The following PDE10A variants were observed in gnomAD, a reference collection of about 807,000 sequenced individuals.
PDE10A encodes the protein phosphodiesterase 10A, also known as cAMP and cAMP-inhibited cGMP 3',5'-cyclic phosphodiesterase 10A.
A neutral mutation model predicts 97.7 loss-of-function variants in PDE10A; 39 were observed. That is an observed-to-expected ratio of 0.40 (90% CI 0.31 to 0.52). The LOEUF (loss-of-function observed/expected upper bound fraction) is 0.52. Ranked by LOEUF, PDE10A falls within the 20% of genes least tolerant of loss-of-function variation. The probability of loss-of-function intolerance (pLI) is 0.56; values close to 1 mark genes in which losing one functional copy is unlikely to be tolerated. For synonymous variants in PDE10A, 371 were observed against 376.8 expected (o/e 0.98, Z 0.18); for missense variants, 731 against 1,047.8 (o/e 0.70, Z 4.17).
intron 1 of PDE10A, chr6:165,780,455 G>A (rs1373782430): frequency 6.6e-6 from 1 of 152,210 alleles, no homozygotes; most frequent in Non-Finnish European, 1.5e-5. Context: ...TTATAAAAGT[G>A]TTAGGTGGAA....
In PDE10A at chr6:165,328,817, T is replaced by G. The variant is rs1383338621; in HGVS notation, c.*4208A>C. The G allele has an allele frequency of 6.6e-6, 1 of 152,200 alleles. No homozygotes were observed. The highest frequency in any genetic ancestry group is 1.5e-5 in the Non-Finnish European group (1 of 68,036). 9.4% of individuals were successfully genotyped at this position (152,200 alleles called of 1,614,324 possible). On this transcript the variant is annotated 3_prime_UTR_variant, in exon 22 of 22. Coordinates refer to ENST00000539869, the MANE Select transcript of PDE10A (RefSeq NM_001385079.1). Reference sequence around the variant, plus strand: ...TCCAACGCTACAGACAACCAAAATATTCCGTTGGAAAAAAGACAAAAAAGT... The same window carrying G: ...TCCAACGCTACAGACAACCAAAATAGTCCGTTGGAAAAAAGACAAAAAAGT...
chr6:165,837,375 G>A (rs534048772), intron 1 of PDE10A, among the ~76,000 whole-genome samples: 3 of 152,210 alleles, frequency 2.0e-5, no homozygotes, highest in Admixed American at 6.5e-5. Context: ...AGTTAAAATC[G>A]TCTATTCTTT....
intron 1 of PDE10A, among the ~76,000 whole-genome samples, chr6:165,728,858 A>G (rs1792358314): frequency 6.6e-6 from 1 of 152,104 alleles, no homozygotes; most frequent in Non-Finnish European, 1.5e-5. Context: ...AGTTTTTGAG[A>G]CTTTGCTTTA....
At chr6:165,403,730 C>T (rs541254) in intron 13 of PDE10A, among the ~76,000 whole-genome samples, 36,797 of 152,004 alleles carry the variant, frequency 0.24, 6,563 homozygotes, top group African/African-American at 0.5. Context: ...CACATACATA[C>T]GGGGAACACT....
intron 1 of PDE10A, among the ~76,000 whole-genome samples, chr6:165,720,044 G>T (rs534187488): frequency 6.6e-6 from 1 of 152,170 alleles, no homozygotes; most frequent in African/African-American, 2.4e-5. Context: ...CGTAACAGGC[G>T]CTCAATAGAC....
intron 1 of PDE10A, chr6:165,987,476 G>A: frequency 2.9e-6 from 1 of 347,514 alleles, no homozygotes; most frequent in South Asian, 2.2e-5. Context: ...TTGGGACTAA[G>A]TTTTTCTGGA....
At chr6:165,943,037 T>G (rs1783585627) in intron 1 of PDE10A, among the ~76,000 whole-genome samples, 1 of 151,044 alleles carries the variant, frequency 6.6e-6, no homozygotes, top group East Asian at 1.9e-4. Flanking sequence ...ACCCATAGGA[T>G]TTTAGATAGC....
intron 1 of PDE10A, among the ~76,000 whole-genome samples, chr6:165,789,136 CAGGGTTG>C (rs1487127489): frequency 2.6e-5 from 4 of 152,188 alleles, no homozygotes; most frequent in Admixed American, 1.3e-4. Context: ...GTCTGGAGTT[CAGGGTTG>C]AGGCAGTGCC....
chr6:165,478,790 A>C (rs548320263), intron 3 of PDE10A, among the ~76,000 whole-genome samples: 1 of 152,284 alleles, frequency 6.6e-6, no homozygotes, highest in East Asian at 1.9e-4. Flanking sequence ...CTTCATTTGC[A>C]TGATAAAAGC....
chr6:165,622,817 T>C (rs997464227), intron 1 of PDE10A, among the ~76,000 whole-genome samples: 2 of 152,218 alleles, frequency 1.3e-5, no homozygotes, highest in Non-Finnish European at 2.9e-5. Context: ...GGAAATCTCA[T>C]GCTGAATTGT....
intron 1 of PDE10A, among the ~76,000 whole-genome samples, chr6:165,572,116 C>G (rs1333919202): frequency 2.0e-5 from 3 of 152,178 alleles, no homozygotes; most frequent in Admixed American, 2.0e-4. Context: ...AACCTATTAC[C>G]TCTAAAACTC....
At chr6:165,402,898 A>C (rs960872484) in intron 13 of PDE10A, among the ~76,000 whole-genome samples, 1 of 152,210 alleles carries the variant, frequency 6.6e-6, no homozygotes, top group Non-Finnish European at 1.5e-5. Context: ...TGTGTCTATG[A>C]GACACCCTAA....
intron 2 of PDE10A, among the ~76,000 whole-genome samples, chr6:165,500,045 C>T (rs1780772762): frequency 6.6e-6 from 1 of 152,196 alleles, no homozygotes. Flanking sequence ...GCAAGAGCAT[C>T]TGATCGCCCC....
At chr6:165,568,085 G>A (rs1177343750) in intron 1 of PDE10A, among the ~76,000 whole-genome samples, 4 of 137,404 alleles carry the variant, frequency 2.9e-5, no homozygotes, top group East Asian at 2.4e-4. Flanking sequence ...TGCAAGCTCC[G>A]CCTCCTGGGT....
chr6:165,649,700 A>G (rs1477196201), intron 1 of PDE10A, among the ~76,000 whole-genome samples: 2 of 152,186 alleles, frequency 1.3e-5, no homozygotes, highest in Non-Finnish European at 2.9e-5. Flanking sequence ...AACTTGTAAT[A>G]AATTGCTGGG....
intron 1 of PDE10A, among the ~76,000 whole-genome samples, chr6:165,801,278 C>G (rs1355132574): frequency 6.6e-6 from 1 of 152,256 alleles, no homozygotes; most frequent in Non-Finnish European, 1.5e-5. Flanking sequence ...GGTGTGGTGG[C>G]TCACGCCTGT....
At chr6:165,380,839 T>A (rs972995063) in intron 17 of PDE10A, among the ~76,000 whole-genome samples, 2 of 152,232 alleles carry the variant, frequency 1.3e-5, no homozygotes, top group African/African-American at 4.8e-5. Context: ...CATGCTATGG[T>A]ATCTGCTTTC....
chr6:165,845,273 A>C (rs760606270), intron 1 of PDE10A, among the ~76,000 whole-genome samples: 9 of 152,234 alleles, frequency 5.9e-5, no homozygotes, highest in Non-Finnish European at 1.2e-4. Context: ...TTTAAAATTC[A>C]TGTGATGTGG....
At chr6:165,383,280 T>C (rs554609208) in intron 17 of PDE10A, among the ~76,000 whole-genome samples, 7 of 152,284 alleles carry the variant, frequency 4.6e-5, no homozygotes, top group Admixed American at 4.6e-4. Flanking sequence ...AAAAGTATAG[T>C]TTCAATGTTC....
Sources: gnomAD v4.1 joint callset for allele counts (sites outside exome capture counted in the v4.1 genomes callset) on GRCh38, gnomAD v4.1.1 for gene constraint, MANE v1.5 for transcripts, NCBI Gene and HGNC (gene_info 2026-07-23, HGNC 2026-07-21) for gene names.